Variants in SLC3A1 observed in about 807,000 individuals in gnomAD.
SLC3A1 encodes the protein solute carrier family 3 member 1, also known as amino acid transporter heavy chain SLC3A1.
A neutral mutation model predicts 60.3 loss-of-function variants in SLC3A1; 78 were observed. The ratio of observed to expected loss-of-function variants is 1.29; its 90% CI spans 1.08 to 1.56. SLC3A1 has a LOEUF of 1.56. Among genes scored for constraint, SLC3A1 ranks in the 40% most tolerant of loss-of-function variants. The pLI is 0.00. For synonymous variants in SLC3A1, 392 were observed against 307.9 expected, an observed-to-expected ratio of 1.27 and a Z score of -2.86; for missense variants, 1,172 against 858.9, an observed-to-expected ratio of 1.36 and a Z score of -4.56.
intron 2 of SLC3A1, among the ~76,000 whole-genome samples, chr2:44,281,159 C>A (rs865922705): frequency 8.9e-6 from 1 of 112,590 alleles, no homozygotes; most frequent in Non-Finnish European, 1.7e-5. Flanking sequence ...CCTTTCCCTG[C>A]TTTTTTTTTT....
intron 4 of SLC3A1, among the ~76,000 whole-genome samples, chr2:44,296,836 G>C (rs1181158921): frequency 6.6e-6 from 1 of 152,130 alleles, no homozygotes; most frequent in East Asian, 1.9e-4. Context: ...TCATGGGTGT[G>C]GTTTCCTCCA....
intron 6 of SLC3A1, among the ~76,000 whole-genome samples, chr2:44,303,581 CTTATTTT>C (rs1337289237): frequency 1.3e-5 from 2 of 151,430 alleles, no homozygotes; most frequent in Admixed American, 1.3e-4. Flanking sequence ...ATTTTTCTGC[CTTATTTT>C]TTATTATTAT....
At chr2:44,304,030 T>C (rs1242407360) in intron 6 of SLC3A1, 113 bp from the exon 7 acceptor site, 2 of 829,774 alleles carry the variant, frequency 2.4e-6, no homozygotes, top group Non-Finnish European at 4.3e-6. Context: ...CCTATATGGT[T>C]AATAGTGTGC....
chr2:44,317,553 A>G (rs1672526657), intron 9 of SLC3A1: 1 of 152,150 alleles, frequency 6.6e-6, no homozygotes, highest in Admixed American at 6.6e-5. Context: ...GAACATTTCC[A>G]GCATTACAGA....
intron 1 of SLC3A1, among the ~76,000 whole-genome samples, chr2:44,278,702 A>C (rs1671406816): frequency 6.6e-6 from 1 of 152,106 alleles, no homozygotes; most frequent in Non-Finnish European, 1.5e-5. Context: ...GAGAAAACAC[A>C]TTATCTGCTC....
At chr2:44,322,326 G>A (rs1464599351), downstream of SLC3A1, among the ~76,000 whole-genome samples, 4 of 152,142 alleles carry the variant, frequency 2.6e-5, no homozygotes, top group African/African-American at 7.2e-5. Flanking sequence ...GCTAGCTAGA[G>A]GAAATTCATG....
At chr2:44,301,219 T>A in intron 6 of SLC3A1, 92 bp downstream of exon 6, 11 of 1,492,702 alleles carry the variant, frequency 7.4e-6, no homozygotes, top group Non-Finnish European at 1.0e-5. Context: ...GAGGTTCAAG[T>A]AATAATGTAA....
At chr2:44,284,326 C>A (rs551267873) in intron 3 of SLC3A1, among the ~76,000 whole-genome samples, 3 of 152,176 alleles carry the variant, frequency 2.0e-5, no homozygotes, top group Non-Finnish European at 4.4e-5. Context: ...GATCTGCCCA[C>A]GTCGGCTTCC....
In SLC3A1 at chr2:44,275,637, C is replaced by A. The variant is rs778189309; in HGVS notation, c.102C>A (p.Thr34=). 9.9e-6 allele frequency: 16 copies of A among 1,613,988 alleles called. No individual in the cohort carries two copies. Among genetic ancestry groups the A allele is most frequent in the African/African-American group, 1.3e-5 (1 of 74,922 alleles). The change falls in exon 1 of 10, where the codon ACC becomes ACA. Residue 34 remains threonine, a synonymous_variant. Transcript: ENST00000260649. ...FVHNEDILEQ[T]PDPGSSTDNL... ...ATAATGAAGACATTCTGGAGCAGAC[C>A]CCGGATCCAGGAAGCTCAACAGACA...
Position 44,301,089 on chromosome 2 carries a change from G to C in SLC3A1, c.1098G>C (p.Gln366His), listed in dbSNP as rs745473969. ...GMHDIVRSFR[Q>H]TMDQYSTEPG... is the part of the protein sequence containing the mutation. ...ACGACATTGTCCGCAGCTTCCGGCA[G>C]ACCATGGACCAATACAGCACGGAGC... The change falls in exon 6 of 10, where the codon CAG (glutamine) becomes CAC (histidine). Residue 366 changes from glutamine to histidine, a missense_variant. Gln to His is a conservative substitution (Grantham distance 24). Coordinates refer to ENST00000260649, the MANE Select transcript of SLC3A1 (RefSeq NM_000341.4). 26 of 1,613,972 alleles carry C rather than the reference G, an allele frequency of 1.6e-5. No homozygotes were observed. Among genetic ancestry groups the C allele is most frequent in the Non-Finnish European group, 2.2e-5 (26 of 1,180,040 alleles).
At chr2:44,313,630 CA>C (rs1314271053) in intron 8 of SLC3A1, among the ~76,000 whole-genome samples, 1 of 152,200 alleles carries the variant, frequency 6.6e-6, no homozygotes, top group African/African-American at 2.4e-5. Context: ...TATTCAAACT[CA>C]AAATGTTATT....
intron 4 of SLC3A1, among the ~76,000 whole-genome samples, chr2:44,290,875 G>A (rs1405286611): frequency 6.6e-6 from 1 of 151,948 alleles, no homozygotes; most frequent in Non-Finnish European, 1.5e-5. Context: ...AACTTCTCTG[G>A]TAGCCTGTGG....
chr2:44,297,880 G>A (rs1671894409), intron 4 of SLC3A1, among the ~76,000 whole-genome samples: 1 of 152,124 alleles, frequency 6.6e-6, no homozygotes, highest in Non-Finnish European at 1.5e-5. Flanking sequence ...TTACAGGTGT[G>A]AGCCGTCACA....
intron 4 of SLC3A1, among the ~76,000 whole-genome samples, chr2:44,296,135 C>T (rs1029679420): frequency 1.3e-5 from 2 of 152,192 alleles, no homozygotes; most frequent in African/African-American, 4.8e-5. Flanking sequence ...CTTTGCCCCA[C>T]CAGACTTCTC....
chr2:44,275,566 A>C lies in SLC3A1; in HGVS notation c.31A>C (p.Ile11Leu), dbSNP rs1671319786. The change falls in exon 1 of 10, where the codon ATC becomes CTC. Residue 11 changes from isoleucine to leucine, a missense_variant. Ile to Leu is a conservative substitution (Grantham distance 5). Transcript: ENST00000260649. ...TGAAGATAAAAGCAAGAGAGACTCC[A>C]TCGAGATGAGTATGAAGGGATGCCA... MAEDKSKRDS[I>L]EMSMKGCQTN... 6.2e-7 allele frequency: 1 copy of C among 1,614,060 alleles called. No homozygotes were observed. The highest frequency in any genetic ancestry group is 1.3e-5 in the African/African-American group (1 of 74,938).
intron 3 of SLC3A1, chr2:44,285,807 C>G (rs946621137): frequency 6.0e-6 from 4 of 672,264 alleles, no homozygotes; most frequent in Non-Finnish European, 1.1e-5. Context: ...GCAGTTGTTA[C>G]AAACAGCATC....
At chr2:44,314,319 C>A in intron 9 of SLC3A1, 1 of 499,724 alleles carries the variant, frequency 2.0e-6, no homozygotes, top group Non-Finnish European at 3.6e-6. Context: ...GGCAGCCATG[C>A]AGGCAGTAAG....
chr2:44,300,950 G>A, intron 5 of SLC3A1, 53 bp from the exon 6 acceptor site: 1 of 1,610,886 alleles, frequency 6.2e-7, no homozygotes, highest in Non-Finnish European at 8.5e-7. Context: ...AGAGCGAGCT[G>A]TGGGCATGCA....
chr2:44,314,139 C>G, intron 9 of SLC3A1, 188 bp downstream of exon 9: 4 of 1,365,442 alleles, frequency 2.9e-6, no homozygotes, highest in Non-Finnish European at 4.0e-6. Context: ...CAAACTGGTA[C>G]AAATCTACCA....
Sources: allele counts gnomAD v4.1 joint callset (sites outside exome capture counted in the v4.1 genomes callset), GRCh38; gene constraint gnomAD v4.1.1; transcripts MANE v1.5; gene names NCBI Gene and HGNC (gene_info 2026-07-23, HGNC 2026-07-21).